The following KCTD20 variants were observed in gnomAD, a reference collection of about 807,000 sequenced individuals.
The protein encoded by KCTD20 is potassium channel tetramerization domain containing 20, also known as BTB/POZ domain-containing protein KCTD20.
Under a neutral mutation model 39.6 loss-of-function variants are expected in KCTD20, and 30 were observed. The observed-to-expected ratio is 0.76, with a 90% CI of 0.57 to 1.03. KCTD20 has a LOEUF of 1.03. Among genes scored for constraint, KCTD20 ranks in the 50% least tolerant of loss-of-function variants. KCTD20 has a pLI of 0.00. For synonymous variants in KCTD20, 162 were observed against 180.6 expected, an observed-to-expected ratio of 0.90 and a Z score of 0.83; for missense variants, 422 against 522.0, an observed-to-expected ratio of 0.81 and a Z score of 1.87.
intron 1 of KCTD20, among the ~76,000 whole-genome samples, chr6:36,453,857 A>AG (rs1222730641): frequency 6.6e-6 from 1 of 152,194 alleles, no homozygotes; most frequent in Non-Finnish European, 1.5e-5. Flanking sequence ...GCCTGGAGTT[A>AG]GGCTTATTTA....
chr6:36,479,298 A>C (rs965349269), intron 4 of KCTD20, 75 bp downstream of exon 4: 8 of 1,066,516 alleles, frequency 7.5e-6, no homozygotes, highest in Non-Finnish European at 1.1e-5. Flanking sequence ...AGTTCCATCA[A>C]CTATGTTATT....
rs531907386 is a variant in KCTD20, at chr6:36,460,233, C to G, written c.-46-9819C>G. Among the ~76,000 whole-genome samples, 8 of 152,266 alleles carry G rather than the reference C, an allele frequency of 5.3e-5. No individual in the cohort carries two copies. In the East Asian group the frequency reaches 1.5e-3, roughly 29 times the overall value. On this transcript the variant is annotated intron_variant, in intron 1 of 7. Coordinates refer to ENST00000373731, the MANE Select transcript of KCTD20 (RefSeq NM_173562.5). ...TTAAGTTCAATCAAAAGAGGAAGCA[C>G]CCCACATGGAAATTATAGAATTCCA...
At chr6:36,483,251 CAG>C (rs971372890) in intron 6 of KCTD20, among the ~76,000 whole-genome samples, 16 of 146,200 alleles carry the variant, frequency 1.1e-4, no homozygotes, top group Non-Finnish European at 1.9e-4. Flanking sequence ...CTCACCAAAA[CAG>C]TGGCTTTTTC....
intron 5 of KCTD20, among the ~76,000 whole-genome samples, chr6:36,480,967 C>A (rs1167676130): frequency 1.3e-5 from 2 of 152,198 alleles, no homozygotes; most frequent in African/African-American, 2.4e-5. Flanking sequence ...TTATTCAGAG[C>A]TCTAGGCATT....
At position 36,470,070 on chromosome 6, in the gene KCTD20, C is replaced by T. The variant is rs200163218; in HGVS notation, c.-28C>T. The stretch of plus-strand genomic sequence containing the variant: ...GTTCCAGGATTTCTCTCTGATCAAA[C>T]GGACAGTTCAGGACTCAGAATCTAA... On this transcript the variant is annotated 5_prime_UTR_variant, in exon 2 of 8. In the 5' UTR this introduces an upstream ATG that the reference lacks. Transcript: ENST00000373731. 2.2e-5 allele frequency: 34 copies of T among 1,547,054 alleles called. No individual in the cohort carries two copies. Among genetic ancestry groups the T allele is most frequent in the East Asian group, 7.0e-5 (3 of 42,986 alleles).
At chr6:36,449,086 G>T (rs1433358609) in intron 1 of KCTD20, among the ~76,000 whole-genome samples, 2 of 152,184 alleles carry the variant, frequency 1.3e-5, no homozygotes, top group Admixed American at 6.5e-5. Flanking sequence ...TGTGAGGAGC[G>T]AAAGAATAAA....
chr6:36,481,077 G>T (rs972913605), intron 5 of KCTD20, among the ~76,000 whole-genome samples: 3 of 152,196 alleles, frequency 2.0e-5, no homozygotes, highest in Non-Finnish European at 4.4e-5. Context: ...TGAATTTCAT[G>T]ATACATTTCC....
rs1776466261 is a variant in KCTD20, at chr6:36,487,585, A to C, written c.*410A>C. On this transcript the variant is annotated 3_prime_UTR_variant, in exon 8 of 8. Coordinates refer to ENST00000373731, the MANE Select transcript of KCTD20 (RefSeq NM_173562.5). ...CAAATTGCTTAGTAGCAAAGGGACC[A>C]AACTGAAAAGGTGACAATCTCTAAC... is the stretch of plus-strand genomic sequence containing the variant. 6.2e-6 allele frequency: 1 copy of C among 160,044 alleles called. No individual in the cohort carries two copies. The highest frequency in any genetic ancestry group is 1.4e-5 in the Non-Finnish European group (1 of 73,258). 9.9% of individuals were successfully genotyped at this position (160,044 alleles called of 1,614,324 possible). A position where few individuals can be genotyped will look rare whatever the true frequency, so the allele number is the denominator to read the frequency against.
At chr6:36,448,015 G>GTATATATA (rs70975158) in intron 1 of KCTD20, among the ~76,000 whole-genome samples, 22 of 128,946 alleles carry the variant, frequency 1.7e-4, no homozygotes, top group African/African-American at 5.5e-4. Flanking sequence ...ATGTGTGTGT[G>GTATATATA]TATATATATA....
At position 36,487,534 on chromosome 6, in the gene KCTD20, T is replaced by C. The variant is rs1776464634; in HGVS notation, c.*359T>C. The C allele has an allele frequency of 5.2e-6, 1 of 191,852 alleles. No homozygotes were observed. The highest frequency in any genetic ancestry group is 5.7e-5 in the Admixed American group (1 of 17,462). 11.9% of individuals were successfully genotyped at this position (191,852 alleles called of 1,614,324 possible). The stretch of plus-strand genomic sequence containing the variant: ...ATCCTTTATACTCTGTTCTTGGGTT[T>C]TGTTTTTGTCTTGTTTTATACCAGG... On this transcript the variant is annotated 3_prime_UTR_variant, in exon 8 of 8. Transcript: ENST00000373731.
At position 36,487,357 on chromosome 6, in the gene KCTD20, A is replaced by G; in HGVS notation, c.*182A>G. 1.6e-6 allele frequency: 1 copy of G among 626,846 alleles called. No homozygotes were observed. Among genetic ancestry groups the G allele is most frequent in the Non-Finnish European group, 2.7e-6 (1 of 370,706 alleles). 38.8% of individuals were successfully genotyped at this position (626,846 alleles called of 1,614,324 possible). A position where few individuals can be genotyped will look rare whatever the true frequency, so the allele number is the denominator to read the frequency against. On this transcript the variant is annotated 3_prime_UTR_variant, in exon 8 of 8. Coordinates refer to ENST00000373731, the MANE Select transcript of KCTD20 (RefSeq NM_173562.5). ...CCATGCCTCTGGCAGGGGATGAAGA[A>G]GTACTCACTGGTAATTAGCTACCAT...
At chr6:36,473,462 A>G (rs1775970191) in intron 2 of KCTD20, among the ~76,000 whole-genome samples, 1 of 152,116 alleles carries the variant, frequency 6.6e-6, no homozygotes, top group African/African-American at 2.4e-5. Flanking sequence ...TAGATGATGG[A>G]CCAGGTAGAA....
chr6:36,452,963 TC>T (rs1309570741), intron 1 of KCTD20, among the ~76,000 whole-genome samples: 1 of 151,994 alleles, frequency 6.6e-6, no homozygotes. Flanking sequence ...ATTATTTCTT[TC>T]TTGATCAGTT....
intron 2 of KCTD20, among the ~76,000 whole-genome samples, chr6:36,472,416 T>C (rs1407924512): frequency 6.6e-6 from 1 of 152,214 alleles, no homozygotes; most frequent in Non-Finnish European, 1.5e-5. Flanking sequence ...ACAATTTATT[T>C]GGTTGTCTGA....
At chr6:36,473,244 T>G (rs1348871451) in intron 2 of KCTD20, among the ~76,000 whole-genome samples, 2 of 151,928 alleles carry the variant, frequency 1.3e-5, no homozygotes, top group African/African-American at 4.8e-5. Flanking sequence ...GTACTTTTAG[T>G]AGAGACGGGG....
At chr6:36,456,445 A>C (rs1273663114) in intron 1 of KCTD20, among the ~76,000 whole-genome samples, 1 of 151,872 alleles carries the variant, frequency 6.6e-6, no homozygotes, top group African/African-American at 2.4e-5. Flanking sequence ...CATCCAGCTA[A>C]TTTTTGTATT....
intron 3 of KCTD20, 57 bp from the exon 4 acceptor site, chr6:36,479,064 C>A: frequency 8.7e-7 from 1 of 1,150,952 alleles, no homozygotes. Context: ...AGGGAGAAAT[C>A]TCATCTGTGA....
intron 5 of KCTD20, among the ~76,000 whole-genome samples, chr6:36,481,220 G>T (rs1776236008): frequency 6.6e-6 from 1 of 152,122 alleles, no homozygotes; most frequent in Non-Finnish European, 1.5e-5. Context: ...ATGAAATCAG[G>T]ATCCAAACCA....
chr6:36,463,184 A>C (rs914578499), intron 1 of KCTD20, among the ~76,000 whole-genome samples: 1 of 151,828 alleles, frequency 6.6e-6, no homozygotes, highest in Non-Finnish European at 1.5e-5. Context: ...GTTTATTCTT[A>C]TTTTCCTGCC....
Sources: gnomAD v4.1 joint callset for allele counts (sites outside exome capture counted in the v4.1 genomes callset) on GRCh38, gnomAD v4.1.1 for gene constraint, MANE v1.5 for transcripts, NCBI Gene and HGNC (gene_info 2026-07-23, HGNC 2026-07-21) for gene names.